The following STON2 variants were observed in gnomAD, a reference collection of about 807,000 sequenced individuals.
STON2 encodes the protein stonin 2, also known as stonin-2.
A neutral mutation model predicts 65.7 loss-of-function variants in STON2; 29 were observed. That is an observed-to-expected ratio of 0.44 (90% confidence interval 0.33 to 0.60). The LOEUF is 0.60. STON2 is among the 20% of genes least tolerant of loss of function. The pLI, the probability that STON2 is intolerant of heterozygous loss-of-function variation, is 0.03. For missense variants in STON2, 1,054 were observed against 1,118.1 expected (o/e 0.94, Z 0.82); for synonymous variants, 404 against 414.2 (o/e 0.98, Z 0.30).
chr14:81,339,888 C>T (rs908267790), intron 4 of STON2, among the ~76,000 whole-genome samples: 2 of 152,216 alleles, frequency 1.3e-5, no homozygotes, highest in Non-Finnish European at 1.5e-5. Context: ...GGCGTGGTGG[C>T]TCACGCCTGT....
At chr14:81,302,872 C>T (rs898111288) in intron 5 of STON2, among the ~76,000 whole-genome samples, 1 of 152,192 alleles carries the variant, frequency 6.6e-6, no homozygotes, top group Non-Finnish European at 1.5e-5. Flanking sequence ...AAGTACCTGA[C>T]ATGGTGCCGT....
At chr14:81,373,887 G>A (rs748107561) in intron 3 of STON2, among the ~76,000 whole-genome samples, 3 of 150,664 alleles carry the variant, frequency 2.0e-5, no homozygotes, top group Non-Finnish European at 2.9e-5. Flanking sequence ...ACATAGGGGT[G>A]TACAGCTAAA....
chr14:81,394,448 C>T (rs1007846755), intron 3 of STON2, among the ~76,000 whole-genome samples: 3 of 152,090 alleles, frequency 2.0e-5, no homozygotes, highest in Non-Finnish European at 2.9e-5. Context: ...GAATGCCTCC[C>T]ATTCTACCCC....
Position 81,278,837 on chromosome 14 carries a change from G to C in STON2, c.743-98C>G, listed in dbSNP as rs973192968. 14 of 948,394 alleles carry C rather than the reference G, an allele frequency of 1.5e-5. No homozygotes were observed. The African/African-American group carries it at 2.1e-4, about 14-fold the overall frequency. 58.7% of individuals were successfully genotyped at this position (948,394 alleles called of 1,614,324 possible). ...TGAGGGATTACTAGAATTTTAACTG[G>C]AATCCAGTACATTCCAAAGCAGCTC... On this transcript the variant is annotated intron_variant, in intron 5 of 7. Transcript: ENST00000614646.
chr14:81,297,693 G>A (rs1192563160), intron 5 of STON2, among the ~76,000 whole-genome samples: 1 of 152,160 alleles, frequency 6.6e-6, no homozygotes, highest in Non-Finnish European at 1.5e-5. Context: ...GGTTTGTTTT[G>A]CTTCGTATAG....
At chr14:81,421,622 T>C (rs553586289) in intron 2 of STON2, among the ~76,000 whole-genome samples, 20 of 152,222 alleles carry the variant, frequency 1.3e-4, no homozygotes, top group African/African-American at 4.1e-4. Flanking sequence ...TTTGGACTCA[T>C]TGAGATTGTG....
At chr14:81,332,423 C>A (rs1469605116) in intron 4 of STON2, among the ~76,000 whole-genome samples, 3 of 152,130 alleles carry the variant, frequency 2.0e-5, no homozygotes, top group African/African-American at 7.2e-5. Context: ...GAAACCCAAC[C>A]ATTTTCTTTT....
upstream of STON2, among the ~76,000 whole-genome samples, chr14:81,400,760 CAGG>C (rs1900571673): frequency 6.6e-6 from 1 of 152,148 alleles, no homozygotes; most frequent in Non-Finnish European, 1.5e-5. Context: ...ATCACAGGCC[CAGG>C]AGTTAGGTTG....
Position 81,262,381 on chromosome 14 carries a change from A to T in STON2, c.*6033T>A. On this transcript the variant is annotated 3_prime_UTR_variant, in exon 8 of 8. Transcript: ENST00000614646. The stretch of plus-strand genomic sequence containing the variant: ...CTAACACAGCACCTGACCAGAGTAG[A>T]CATTTGATAAATATTTGTTGAGTTG... The T allele has an allele frequency of 3.0e-6, 3 of 985,380 alleles. No homozygotes were observed. Among genetic ancestry groups the T allele is most frequent in the Non-Finnish European group, 3.6e-6 (3 of 829,844 alleles). 61.0% of individuals were successfully genotyped at this position (985,380 alleles called of 1,614,324 possible).
At chr14:81,408,908 T>C (rs1901008369) in intron 2 of STON2, among the ~76,000 whole-genome samples, 1 of 152,206 alleles carries the variant, frequency 6.6e-6, no homozygotes, top group Admixed American at 6.5e-5. Flanking sequence ...TCCAGTTCCT[T>C]GAACTCTTAG....
chr14:81,358,095 A>G (rs1898330534), intron 4 of STON2, among the ~76,000 whole-genome samples: 1 of 152,188 alleles, frequency 6.6e-6, no homozygotes, highest in South Asian at 2.1e-4. Flanking sequence ...GTATAAGTAA[A>G]GCAGAGCCAT....
intron 5 of STON2, among the ~76,000 whole-genome samples, chr14:81,316,443 T>C (rs1896623623): frequency 6.6e-6 from 1 of 152,140 alleles, no homozygotes; most frequent in Admixed American, 6.5e-5. Context: ...GGAGCACAAA[T>C]AGTAGGGAGG....
chr14:81,278,511 T>G lies in STON2; in HGVS notation c.971A>C (p.Tyr324Ser). The change falls in exon 6 of 8, where the codon TAT becomes TCT. Residue 324 changes from tyrosine (Y) to serine (S), a missense_variant. Tyr to Ser is a moderately radical substitution (Grantham distance 144). Transcript: ENST00000614646. ...CTTCTTAAATGATCCCATTGAATTA[T>G]AAGGTACATCTGGGATCACAGATGC... ...PSASVIPDVP[Y>S]NSMGSFKKRD... 6.2e-7 allele frequency: 1 copy of G among 1,614,230 alleles called. No individual in the cohort carries two copies. The highest frequency in any genetic ancestry group is 8.5e-7 in the Non-Finnish European group (1 of 1,180,042).
chr14:81,386,969 G>A (rs865944022), intron 3 of STON2, among the ~76,000 whole-genome samples: 1 of 152,050 alleles, frequency 6.6e-6, no homozygotes, highest in Non-Finnish European at 1.5e-5. Context: ...TATTCTTCCC[G>A]GTACCTGGTG....
chr14:81,404,175 GAT>G (rs1364413977), upstream of STON2, among the ~76,000 whole-genome samples: 1 of 152,178 alleles, frequency 6.6e-6, no homozygotes, highest in Non-Finnish European at 1.5e-5. Context: ...AGAAAATCTA[GAT>G]ATAGGGAAAT....
intron 3 of STON2, among the ~76,000 whole-genome samples, chr14:81,388,971 CCTT>C (rs1899952462): frequency 6.6e-6 from 1 of 152,154 alleles, no homozygotes; most frequent in South Asian, 2.1e-4. Flanking sequence ...TTCTCCTCCT[CCTT>C]CTCCTCCCAC....
intron 4 of STON2, among the ~76,000 whole-genome samples, chr14:81,344,591 C>G (rs1404626401): frequency 6.6e-6 from 1 of 152,166 alleles, no homozygotes; most frequent in Non-Finnish European, 1.5e-5. Flanking sequence ...AATATAAACA[C>G]TGCAGTACTG....
intron 5 of STON2, among the ~76,000 whole-genome samples, chr14:81,297,924 C>T (rs1305843120): frequency 6.6e-6 from 1 of 152,176 alleles, no homozygotes; most frequent in Non-Finnish European, 1.5e-5. Context: ...GTACTCCCAG[C>T]TACTCGGGAG....
intron 5 of STON2, among the ~76,000 whole-genome samples, chr14:81,305,518 T>C (rs1220880482): frequency 6.6e-6 from 1 of 152,226 alleles, no homozygotes; most frequent in East Asian, 1.9e-4. Context: ...CTTTGTGAAG[T>C]ACCTTTTCAA....
Sources: gnomAD v4.1 joint callset for allele counts (sites outside exome capture counted in the v4.1 genomes callset) on GRCh38, gnomAD v4.1.1 for gene constraint, MANE v1.5 for transcripts, NCBI Gene and HGNC (gene_info 2026-07-23, HGNC 2026-07-21) for gene names.